The following ZFX variants were observed in gnomAD, a reference collection of about 807,000 sequenced individuals.
The protein encoded by ZFX is zinc finger protein X-linked, also known as zinc finger X-chromosomal protein.
For missense variants in ZFX, 362 were observed against 628.3 expected, an observed-to-expected ratio of 0.58 and a Z score of 4.53; for synonymous variants, 196 against 226.8, an observed-to-expected ratio of 0.86 and a Z score of 1.22.
At chrX:24,201,447 A>T (rs1324373864) in intron 5 of ZFX, among the ~76,000 whole-genome samples, 1 of 112,738 alleles carries the variant, frequency 8.9e-6, no homozygotes, top group Non-Finnish European at 1.9e-5. Flanking sequence ...GGTACAGACA[A>T]ATTGACATGC....
In ZFX at chrX:24,210,743, C is replaced by T; in HGVS notation, c.1785C>T (p.Val595=). The change falls in exon 10 of 10, where the codon GTC becomes GTT. Residue 595 remains valine, a synonymous_variant. Transcript: ENST00000304543. ...SADSSNLKTH[V]KTKHSKEMPF... The stretch of plus-strand genomic sequence containing the variant: ...ACTCTTCTAACTTGAAAACGCATGT[C>T]AAAACTAAGCATAGTAAAGAGATGC... The T allele has an allele frequency of 1.7e-6, 2 of 1,211,469 alleles. No individual in the cohort carries two copies. The highest frequency in any genetic ancestry group is 2.2e-6 in the Non-Finnish European group (2 of 895,512).
intron 5 of ZFX, among the ~76,000 whole-genome samples, chrX:24,187,537 C>T (rs1380015924): frequency 9.0e-6 from 1 of 111,715 alleles, no homozygotes; most frequent in Non-Finnish European, 1.9e-5. Flanking sequence ...TTATTTAACT[C>T]ATTCTAGCAG....
chrX:24,149,263 C>T (rs1280229594), upstream of ZFX: 1 of 109,760 alleles, frequency 9.1e-6, no homozygotes, highest in African/African-American at 3.3e-5. Context: ...GGTAGGTCTC[C>T]AGGGAGGCCC....
At chrX:24,162,805 G>A (rs189936207) in intron 3 of ZFX, among the ~76,000 whole-genome samples, 2 of 110,389 alleles carry the variant, frequency 1.8e-5, no homozygotes, top group Admixed American at 9.7e-5. Context: ...GAACATTTTC[G>A]TCACCCCAAA....
At chrX:24,177,489 A>G (rs115565546) in intron 4 of ZFX, among the ~76,000 whole-genome samples, 2,801 of 110,847 alleles carry the variant, frequency 0.025, 82 homozygotes, top group African/African-American at 0.087. Flanking sequence ...GGAGGAGGCT[A>G]GATGGAGGCA....
At chrX:24,176,506 C>G (rs1232386371) in intron 4 of ZFX, among the ~76,000 whole-genome samples, 13 of 91,962 alleles carry the variant, frequency 1.4e-4, no homozygotes, top group African/African-American at 5.5e-4. Flanking sequence ...AATCTCGGCT[C>G]AATGCAACCT....
chrX:24,179,141 G>T, intron 4 of ZFX, 42 bp from the exon 5 acceptor site: 1 of 1,101,005 alleles, frequency 9.1e-7, no homozygotes, highest in Non-Finnish European at 1.2e-6. Context: ...TTGTAGTCAT[G>T]CATACTTACC....
At chrX:24,206,446 C>T (rs1171872272) in intron 5 of ZFX, among the ~76,000 whole-genome samples, 3 of 109,664 alleles carry the variant, frequency 2.7e-5, no homozygotes, top group Non-Finnish European at 5.7e-5. Flanking sequence ...ATGTGATCCT[C>T]CCACCTCAGC....
intron 4 of ZFX, chrX:24,175,511 C>T (rs900354721): frequency 1.8e-5 from 2 of 111,949 alleles, no homozygotes; most frequent in African/African-American, 6.5e-5. Flanking sequence ...GGTTGAATGA[C>T]TTGCCCAAGG....
chrX:24,180,445 G>A lies in ZFX; in HGVS notation c.646+675G>A, dbSNP rs1270052114. Among the ~76,000 whole-genome samples, 6 of 107,177 alleles carry A rather than the reference G, an allele frequency of 5.6e-5. 1 individual carries two copies. The highest frequency in any genetic ancestry group is 3.0e-4 in the East Asian group (1 of 3,380). 93.1% of individuals were successfully genotyped at this position (107,177 alleles called of 115,157 possible). A position where few individuals can be genotyped will look rare whatever the true frequency, so the allele number is the denominator to read the frequency against. ...CGTCCAGGCTGGAGTGCAGTGGTGC[G>A]ATCTCAGCTCACTGTAAACTCTGCC... On this transcript the variant is annotated intron_variant, in intron 5 of 9. Transcript: ENST00000304543.
At chrX:24,191,859 C>A (rs1280795859) in intron 5 of ZFX, among the ~76,000 whole-genome samples, 3 of 110,421 alleles carry the variant, frequency 2.7e-5, no homozygotes, top group African/African-American at 9.9e-5. Flanking sequence ...GCTACCACAC[C>A]CAGCTAATTT....
chrX:24,155,138 A>C (rs1032022561), intron 3 of ZFX, among the ~76,000 whole-genome samples: 1 of 111,339 alleles, frequency 9.0e-6, no homozygotes, highest in East Asian at 2.8e-4. Context: ...TAAGAGTTTT[A>C]AAAAAATCTC....
chrX:24,180,147 G>A (rs12353915), intron 5 of ZFX, among the ~76,000 whole-genome samples: 6 of 109,619 alleles, frequency 5.5e-5, no homozygotes, highest in African/African-American at 1.3e-4. Flanking sequence ...CAGGAGAATC[G>A]CTTGAACCCG....
chrX:24,180,757 A>G (rs1935615696), intron 5 of ZFX, among the ~76,000 whole-genome samples: 1 of 112,340 alleles, frequency 8.9e-6, no homozygotes, highest in African/African-American at 3.2e-5. Flanking sequence ...AAAACACTGC[A>G]TAACAGATAA....
At chrX:24,155,358 A>G (rs1932710705) in intron 3 of ZFX, among the ~76,000 whole-genome samples, 1 of 111,458 alleles carries the variant, frequency 9.0e-6, no homozygotes, top group East Asian at 2.8e-4. Context: ...GAGTCCTGAG[A>G]CCACGAAGTT....
At chrX:24,188,590 A>G (rs767804643) in intron 5 of ZFX, among the ~76,000 whole-genome samples, 41 of 110,948 alleles carry the variant, frequency 3.7e-4, no homozygotes, top group South Asian at 1.5e-3. Flanking sequence ...GAGAAAGAAG[A>G]TTGGCAAATA....
intron 3 of ZFX, among the ~76,000 whole-genome samples, chrX:24,155,262 G>A (rs1161881236): frequency 8.9e-6 from 1 of 112,010 alleles, no homozygotes; most frequent in Non-Finnish European, 1.9e-5. Flanking sequence ...TACGACCCAC[G>A]TAAAAACTCT....
chrX:24,163,364 GTTTTTTTTTTTTT>G (rs66467960), intron 3 of ZFX, among the ~76,000 whole-genome samples: 1 of 19,049 alleles, frequency 5.2e-5, no homozygotes, highest in African/African-American at 2.3e-4. Flanking sequence ...TTTTTGTTAG[GTTTTTTTTTTTTT>G]TTTTTTTTTT....
intron 3 of ZFX, among the ~76,000 whole-genome samples, chrX:24,164,483 A>G (rs7876819): frequency 0.2 from 21,886 of 110,988 alleles, 1,936 homozygotes; most frequent in Non-Finnish European, 0.26. Context: ...ACAGAACCTC[A>G]TAGGCCGAAA....
Sources: gnomAD v4.1 joint callset for allele counts (sites outside exome capture counted in the v4.1 genomes callset) on GRCh38, gnomAD v4.1.1 for gene constraint, MANE v1.5 for transcripts, NCBI Gene and HGNC (gene_info 2026-07-23, HGNC 2026-07-21) for gene names.